Variants in ASCC3 observed in about 807,000 individuals in gnomAD.
The protein encoded by ASCC3 is ASC-1 complex subunit P200.
Under a neutral mutation model 256.3 loss-of-function variants are expected in ASCC3, and 158 were observed. The ratio of observed to expected loss-of-function variants is 0.62; its 90% CI spans 0.54 to 0.70. ASCC3 has a LOEUF of 0.70. Ranked by LOEUF, ASCC3 falls within the 30% of genes least tolerant of loss-of-function variation. The pLI is 0.00. For missense variants in ASCC3, 2,259 were observed against 2,626.0 expected (o/e 0.86, Z 3.05); for synonymous variants, 948 against 883.4 (o/e 1.07, Z -1.30).
At position 100,574,329 on chromosome 6, in the gene ASCC3, T is replaced by C. The variant is rs558779928; in HGVS notation, c.5550+15305A>G. Among the ~76,000 whole-genome samples the C allele has an allele frequency of 4.6e-5, 7 of 152,038 alleles. No homozygotes were observed. The East Asian group carries it at 1.4e-3, about 29-fold the overall frequency. ...TTAGATAAAAGAGCAAAATAAGATG[T>C]AAAAAGGAAAAAAGAAAAGTACAAA... On this transcript the variant is annotated intron_variant, in intron 36 of 41. Transcript: ENST00000369162.
chr6:100,583,167 G>A (rs1771409925), intron 36 of ASCC3, among the ~76,000 whole-genome samples: 3 of 152,194 alleles, frequency 2.0e-5, no homozygotes, highest in Admixed American at 2.0e-4. Context: ...AATGGTACCA[G>A]TTCCTCCTTG....
intron 1 of ASCC3, among the ~76,000 whole-genome samples, chr6:100,870,733 G>A (rs1173372294): frequency 6.6e-6 from 1 of 152,054 alleles, no homozygotes; most frequent in Non-Finnish European, 1.5e-5. Context: ...CTACCTGTTG[G>A]GAGTGAATTC....
At chr6:100,829,820 CAAT>C (rs1771532171) in intron 4 of ASCC3, among the ~76,000 whole-genome samples, 2 of 152,050 alleles carry the variant, frequency 1.3e-5, no homozygotes, top group South Asian at 2.1e-4. Flanking sequence ...AGATCAACAA[CAAT>C]AATAAAATAG....
chr6:100,644,989 A>G (rs1775309487), intron 22 of ASCC3, among the ~76,000 whole-genome samples: 1 of 152,186 alleles, frequency 6.6e-6, no homozygotes, highest in Non-Finnish European at 1.5e-5. Flanking sequence ...CTTAGGGCCT[A>G]TTCTACCTGT....
intron 30 of ASCC3, among the ~76,000 whole-genome samples, chr6:100,613,446 T>A (rs1477342854): frequency 3.3e-5 from 5 of 152,130 alleles, no homozygotes; most frequent in African/African-American, 1.2e-4. Context: ...ATGACCTATA[T>A]AGTTCCATCC....
intron 8 of ASCC3, among the ~76,000 whole-genome samples, chr6:100,776,849 A>T (rs9390685): frequency 0.55 from 83,322 of 151,708 alleles, 23,245 homozygotes; most frequent in South Asian, 0.75. Flanking sequence ...GTTTAAGATA[A>T]TCAAACCATA....
chr6:100,853,845 C>G (rs972022055), intron 3 of ASCC3, among the ~76,000 whole-genome samples: 1 of 152,112 alleles, frequency 6.6e-6, no homozygotes, highest in Admixed American at 6.5e-5. Context: ...TTTTTTGAAT[C>G]TGGCAAGTAT....
At chr6:100,681,383 G>A (rs1192196287) in intron 13 of ASCC3, among the ~76,000 whole-genome samples, 5 of 152,020 alleles carry the variant, frequency 3.3e-5, no homozygotes, top group Non-Finnish European at 7.4e-5. Context: ...CTTTATCAGA[G>A]CTCTAACTTA....
At chr6:100,580,991 T>TCA (rs1318542286) in intron 36 of ASCC3, among the ~76,000 whole-genome samples, 2 of 152,162 alleles carry the variant, frequency 1.3e-5, no homozygotes, top group African/African-American at 4.8e-5. Flanking sequence ...TTGTTGGACA[T>TCA]TTGGCTTGGT....
intron 11 of ASCC3, among the ~76,000 whole-genome samples, chr6:100,725,040 AG>A (rs1163867608): frequency 6.6e-6 from 1 of 152,022 alleles, no homozygotes; most frequent in Non-Finnish European, 1.5e-5. Context: ...TCAGGTGCTC[AG>A]GGGATAAGTA....
chr6:100,859,531 T>G (rs1773121815), intron 3 of ASCC3, among the ~76,000 whole-genome samples: 1 of 152,044 alleles, frequency 6.6e-6, no homozygotes, highest in Non-Finnish European at 1.5e-5. Context: ...CAGATTCTGC[T>G]ACTATCTTTT....
intron 4 of ASCC3, among the ~76,000 whole-genome samples, chr6:100,817,296 T>C (rs1025240789): frequency 2.0e-5 from 3 of 151,548 alleles, no homozygotes; most frequent in African/African-American, 7.3e-5. Flanking sequence ...AAGGGAAAAA[T>C]TTATAGCTGT....
chr6:100,591,740 C>T (rs1473891804), intron 34 of ASCC3, among the ~76,000 whole-genome samples: 2 of 151,858 alleles, frequency 1.3e-5, no homozygotes, highest in Non-Finnish European at 2.9e-5. Flanking sequence ...AATTAAAATA[C>T]TATTTTTATC....
chr6:100,514,285 T>C (rs2114606673), intron 39 of ASCC3, among the ~76,000 whole-genome samples: 1 of 152,226 alleles, frequency 6.6e-6, no homozygotes, highest in South Asian at 2.1e-4. Flanking sequence ...TCACTAAGTA[T>C]AGAAGCTGTA....
intron 30 of ASCC3, among the ~76,000 whole-genome samples, chr6:100,610,952 T>G (rs536249058): frequency 6.6e-6 from 1 of 152,256 alleles, no homozygotes; most frequent in African/African-American, 2.4e-5. Flanking sequence ...TTTGAGAGAT[T>G]TTTTTTCACT....
At chr6:100,847,668 T>C (rs1317277283) in intron 4 of ASCC3, among the ~76,000 whole-genome samples, 1 of 152,178 alleles carries the variant, frequency 6.6e-6, no homozygotes, top group Non-Finnish European at 1.5e-5. Context: ...CAATTATCTA[T>C]CTTGATATTG....
At chr6:100,680,466 G>C (rs1439184433) in intron 13 of ASCC3, among the ~76,000 whole-genome samples, 2 of 152,112 alleles carry the variant, frequency 1.3e-5, no homozygotes, top group East Asian at 3.8e-4. Context: ...TCTTTCCTCT[G>C]TAAGTTTCTT....
At chr6:100,873,518 T>C (rs1379057558) in intron 1 of ASCC3, among the ~76,000 whole-genome samples, 1 of 152,040 alleles carries the variant, frequency 6.6e-6, no homozygotes, top group African/African-American at 2.4e-5. Context: ...ATACAAGACA[T>C]TCAAAGAACA....
chr6:100,854,378 C>A (rs368171736), intron 3 of ASCC3, among the ~76,000 whole-genome samples: 28 of 152,092 alleles, frequency 1.8e-4, no homozygotes, highest in African/African-American at 6.5e-4. Flanking sequence ...ATGAAAGCAC[C>A]TTTAGCAATA....
Sources: gnomAD v4.1 joint callset for allele counts (sites outside exome capture counted in the v4.1 genomes callset) on GRCh38, gnomAD v4.1.1 for gene constraint, MANE v1.5 for transcripts, NCBI Gene and HGNC (gene_info 2026-07-23, HGNC 2026-07-21) for gene names.